Variants in FAT3 observed in about 807,000 individuals in gnomAD.
FAT3 encodes the protein FAT atypical cadherin 3, also known as protocadherin Fat 3.
In FAT3, 95 loss-of-function variants were observed where a neutral mutation model predicts 310.2. The ratio of observed to expected loss-of-function variants is 0.31; its 90% CI spans 0.26 to 0.36. The LOEUF is 0.36. Among genes scored for constraint, FAT3 ranks in the 10% least tolerant of loss-of-function variants. The probability of loss-of-function intolerance (pLI) is 1.00; values close to 1 mark genes in which losing one functional copy is unlikely to be tolerated. For synonymous variants in FAT3, 2,314 were observed against 2,192.9 expected, an observed-to-expected ratio of 1.06 and a Z score of -1.54; for missense variants, 5,408 against 5,715.6, an observed-to-expected ratio of 0.95 and a Z score of 1.74.
At chr11:92,792,628 T>A in intron 8 of FAT3, 139 bp from the exon 9 acceptor site, 1 of 724,736 alleles carries the variant, frequency 1.4e-6, no homozygotes, top group Non-Finnish European at 2.3e-6. Context: ...TACCATTTAC[T>A]GAGCACCTAC....
intron 3 of FAT3, among the ~76,000 whole-genome samples, chr11:92,571,678 A>G (rs1014606629): frequency 2.0e-5 from 3 of 152,106 alleles, no homozygotes; most frequent in African/African-American, 7.2e-5. Flanking sequence ...TCGCATAGCC[A>G]CTCACATTTC....
At chr11:92,742,319 C>A (rs926729834) in intron 4 of FAT3, among the ~76,000 whole-genome samples, 2 of 152,136 alleles carry the variant, frequency 1.3e-5, no homozygotes, top group Admixed American at 1.3e-4. Flanking sequence ...ATAAGAACTA[C>A]AGGAGTAGGG....
At chr11:92,560,989 G>A (rs141447482) in intron 3 of FAT3, among the ~76,000 whole-genome samples, 1 of 152,144 alleles carries the variant, frequency 6.6e-6, no homozygotes, top group Non-Finnish European at 1.5e-5. Context: ...AGAAAAGGAA[G>A]AATACCTGTC....
intron 3 of FAT3, among the ~76,000 whole-genome samples, chr11:92,638,700 T>C (rs769601194): frequency 8.5e-5 from 13 of 152,190 alleles, no homozygotes; most frequent in Non-Finnish European, 1.9e-4. Flanking sequence ...ATGAAGACAT[T>C]CCGATGTAAA....
chr11:92,282,665 A>T (rs1316985519), intron 1 of FAT3, among the ~76,000 whole-genome samples: 1 of 152,124 alleles, frequency 6.6e-6, no homozygotes, highest in Non-Finnish European at 1.5e-5. Flanking sequence ...AATAAAAAAA[A>T]AAAAAAAGGA....
intron 1 of FAT3, among the ~76,000 whole-genome samples, chr11:92,345,307 CT>C (rs541062621): frequency 1.4e-4 from 22 of 152,114 alleles, no homozygotes; most frequent in Non-Finnish European, 3.1e-4. Context: ...AGGCCCATAA[CT>C]TTTCTTCAAG....
chr11:92,226,656 G>A (rs897511403), intron 1 of FAT3, among the ~76,000 whole-genome samples: 1 of 152,062 alleles, frequency 6.6e-6, no homozygotes, highest in Non-Finnish European at 1.5e-5. Flanking sequence ...TCTCCGTGAA[G>A]GACTAGGAGG....
chr11:92,726,872 G>A (rs996862191), intron 4 of FAT3, among the ~76,000 whole-genome samples: 4 of 151,576 alleles, frequency 2.6e-5, no homozygotes, highest in African/African-American at 4.9e-5. Flanking sequence ...AAGGAAATAA[G>A]CAATGGAAAG....
At chr11:92,620,439 T>C (rs767251090) in intron 3 of FAT3, among the ~76,000 whole-genome samples, 14 of 152,356 alleles carry the variant, frequency 9.2e-5, no homozygotes, top group Admixed American at 3.3e-4. Context: ...ATGGCACATG[T>C]ACTTTCATGT....
chr11:92,806,021 G>A (rs1947497721), intron 11 of FAT3, among the ~76,000 whole-genome samples: 1 of 152,180 alleles, frequency 6.6e-6, no homozygotes, highest in Admixed American at 6.5e-5. Context: ...TGGGGCTCAA[G>A]AGAAAAACAG....
intron 21 of FAT3, among the ~76,000 whole-genome samples, chr11:92,861,382 G>A (rs1949118986): frequency 6.6e-6 from 1 of 152,152 alleles, no homozygotes; most frequent in Non-Finnish European, 1.5e-5. Context: ...ACACTTCACT[G>A]GCAAAAGTCT....
chr11:92,354,268 A>G lies in FAT3; in HGVS notation c.2156A>G (p.Asn719Ser). ...GGATTTCTTGACTTTTATTCAATTA[A>G]TAGACAGGGACCATATTTTGACAAG... is the stretch of plus-strand genomic sequence containing the variant. ...EDGFLDFYSI[N>S]RQGPYFDKSF... Residue 719 changes from asparagine (N) to serine (S), a missense_variant, in exon 2 of 28, where the codon AAT becomes AGT. By Grantham distance (46) the Asn-to-Ser change is conservative. Around this residue, in one of 5 missense-constraint regions of FAT3, gnomAD observed 4,588 missense variants for 4,809.8 expected, o/e 0.95. Transcript: ENST00000525166. 1 of 1,613,710 alleles carries G rather than the reference A, an allele frequency of 6.2e-7. No homozygotes were observed. The highest frequency in any genetic ancestry group is 8.5e-7 in the Non-Finnish European group (1 of 1,179,856).
At chr11:92,679,793 G>T (rs1407771030) in intron 3 of FAT3, among the ~76,000 whole-genome samples, 1 of 126,668 alleles carries the variant, frequency 7.9e-6, no homozygotes, top group Non-Finnish European at 1.6e-5. Flanking sequence ...AGTGAGCCGA[G>T]ATTGTGCCAC....
rs373143549 is a variant in FAT3 at position 92,890,846 on chromosome 11, C to G, written c.13503C>G (p.Asn4501Lys). ...ATCTCCCTCCTCACCCATTCCCCAA[C>G]GAAACGGATTTGGTGGGCCCGCCTG... is the stretch of plus-strand genomic sequence containing the variant. Reference protein sequence around the residue: ...SQYLPPHPFPNETDLVGPPAS... With the variant: ...SQYLPPHPFPKETDLVGPPAS... Residue 4501 changes from asparagine to lysine, a missense_variant, in exon 28 of 28, where the codon AAC (asparagine) becomes AAG (lysine). Coordinates refer to ENST00000525166, the MANE Select transcript of FAT3 (RefSeq NM_001367949.2). 2 of 1,613,862 alleles carry G rather than the reference C, an allele frequency of 1.2e-6. No individual in the cohort carries two copies. Among genetic ancestry groups the G allele is most frequent in the African/African-American group, 1.3e-5 (1 of 74,924 alleles).
rs544884648 is a variant in FAT3, at chr11:92,226,709, G to C, written c.-18+1535G>C. ...GGCGCCTGCGGCCCGGAGCGTGGGC[G>C]GCCGGTGGCTCTGGCACGCGGAATC... On this transcript the variant is annotated intron_variant, in intron 1 of 27. Transcript: ENST00000525166. 5.3e-4 allele frequency among the ~76,000 whole-genome samples: 80 copies of C among 152,206 alleles called. 1 individual carries two copies. In the East Asian group the frequency reaches 0.013, roughly 26 times the overall value.
chr11:92,587,393 G>A (rs550788224), intron 3 of FAT3, among the ~76,000 whole-genome samples: 10 of 151,940 alleles, frequency 6.6e-5, no homozygotes, highest in East Asian at 5.8e-4. Context: ...TCTTGTAAAC[G>A]AATCTGCTTT....
rs558799288 is a variant in FAT3, at chr11:92,865,815, A to T, written c.11659-926A>T. Among the ~76,000 whole-genome samples the T allele has an allele frequency of 4.6e-5, 7 of 152,344 alleles. No homozygotes were observed. In the East Asian group the frequency reaches 1.4e-3, roughly 29 times the overall value. ...CTCTCTGCCAGCAAGGATCCTCCAT[A>T]GCACATGCTTTCTTCCTGTGTGTGA... is the stretch of plus-strand genomic sequence containing the variant. On this transcript the variant is annotated intron_variant, in intron 21 of 27. Coordinates refer to ENST00000525166, the MANE Select transcript of FAT3 (RefSeq NM_001367949.2).
chr11:92,316,876 CT>C (rs1947477084), intron 1 of FAT3, among the ~76,000 whole-genome samples: 1 of 152,170 alleles, frequency 6.6e-6, no homozygotes, highest in African/African-American at 2.4e-5. Flanking sequence ...TCTTTCTCCA[CT>C]TTGGAGCCAG....
At chr11:92,497,782 T>C (rs1286176419) in intron 2 of FAT3, among the ~76,000 whole-genome samples, 1 of 152,074 alleles carries the variant, frequency 6.6e-6, no homozygotes, top group Non-Finnish European at 1.5e-5. Context: ...AGGGCTTTTC[T>C]AAGTCTCTTC....
Sources: gnomAD v4.1 joint callset for allele counts (sites outside exome capture counted in the v4.1 genomes callset) on GRCh38, gnomAD v4.1.1 for gene constraint, gnomAD v4.1.1 regional missense constraint, MANE v1.5 for transcripts, NCBI Gene and HGNC (gene_info 2026-07-23, HGNC 2026-07-21) for gene names.